Variants in MECOM observed in about 807,000 individuals in gnomAD.
The protein encoded by MECOM is histone-lysine N-methyltransferase MECOM.
A neutral mutation model predicts 116.3 loss-of-function variants in MECOM; 13 were observed. The ratio of observed to expected loss-of-function variants is 0.11; its 90% confidence interval spans 0.07 to 0.18. The LOEUF (loss-of-function observed/expected upper bound fraction) is 0.18. MECOM is among the 10% of genes least tolerant of loss of function. The probability of loss-of-function intolerance (pLI) is 1.00; values close to 1 mark genes in which losing one functional copy is unlikely to be tolerated. For missense variants in MECOM, 1,299 were observed against 1,509.0 expected (o/e 0.86, Z 2.31); for synonymous variants, 528 against 535.2 (o/e 0.99, Z 0.19).
intron 12 of MECOM, among the ~76,000 whole-genome samples, chr3:169,099,730 T>C (rs1292915501): frequency 6.6e-6 from 1 of 152,166 alleles, no homozygotes; most frequent in Non-Finnish European, 1.5e-5. Flanking sequence ...GAGAATGACA[T>C]TATGATATTA....
At chr3:169,110,991 T>C (rs1393250842) in intron 9 of MECOM, among the ~76,000 whole-genome samples, 1 of 152,214 alleles carries the variant, frequency 6.6e-6, no homozygotes, top group African/African-American at 2.4e-5. Flanking sequence ...TGCTCTCTTA[T>C]GATTTTATTT....
rs1725886170 is a variant in MECOM, at chr3:169,349,222, T to G, written c.375+31965A>C. ...TCACATTTGTTTCCTGTTCGTAGGT[T>G]AGACCCCTCCTTCTTGCTCTTTTTC... On this transcript the variant is annotated intron_variant, in intron 2 of 16. Coordinates refer to ENST00000651503, the MANE Select transcript of MECOM (RefSeq NM_004991.4). Among the ~76,000 whole-genome samples the G allele has an allele frequency of 3.9e-5, 6 of 152,076 alleles. No individual in the cohort carries two copies. The South Asian group carries it at 1.2e-3, about 32-fold the overall frequency.
At chr3:169,393,946 T>C (rs1734623874) in intron 1 of MECOM, among the ~76,000 whole-genome samples, 3 of 152,168 alleles carry the variant, frequency 2.0e-5, no homozygotes, top group African/African-American at 7.2e-5. Flanking sequence ...CATGTAAATC[T>C]ATACGAACCA....
At chr3:169,399,668 A>C (rs1735563172) in intron 1 of MECOM, among the ~76,000 whole-genome samples, 1 of 152,238 alleles carries the variant, frequency 6.6e-6, no homozygotes. Context: ...TAGATTTCAA[A>C]GTAGATGGTG....
chr3:169,318,026 G>T (rs1465231407), intron 2 of MECOM, among the ~76,000 whole-genome samples: 2 of 152,086 alleles, frequency 1.3e-5, no homozygotes, highest in Non-Finnish European at 2.9e-5. Context: ...AATAGGGAAG[G>T]ATTCCCTATT....
chr3:169,661,024 T>C (rs1233542480), intron 1 of MECOM, among the ~76,000 whole-genome samples: 2 of 152,146 alleles, frequency 1.3e-5, no homozygotes, highest in Non-Finnish European at 2.9e-5. Context: ...CTCCCACCAG[T>C]TGAATGACAA....
chr3:169,201,432 A>G (rs983322023), intron 2 of MECOM, among the ~76,000 whole-genome samples: 16 of 152,104 alleles, frequency 1.1e-4, no homozygotes, highest in African/African-American at 3.6e-4. Context: ...CACACTAGGT[A>G]GGGTCAGGTT....
At chr3:169,093,683 T>A (rs1264357352) in intron 13 of MECOM, among the ~76,000 whole-genome samples, 1 of 152,204 alleles carries the variant, frequency 6.6e-6, no homozygotes, top group Non-Finnish European at 1.5e-5. Context: ...TACAGGATGA[T>A]CTTCCCCTTC....
chr3:169,502,798 CT>C (rs760375123), intron 1 of MECOM, among the ~76,000 whole-genome samples: 3 of 152,160 alleles, frequency 2.0e-5, no homozygotes, highest in Non-Finnish European at 2.9e-5. Context: ...TGTCATAGAA[CT>C]TTTAGAAAAA....
intron 2 of MECOM, among the ~76,000 whole-genome samples, chr3:169,215,889 A>G (rs369846685): frequency 6.6e-6 from 1 of 152,232 alleles, no homozygotes; most frequent in African/African-American, 2.4e-5. Flanking sequence ...CTCAGCTGGC[A>G]TCTAGCAGTT....
chr3:169,343,258 C>T (rs1246167586), intron 2 of MECOM, among the ~76,000 whole-genome samples: 1 of 152,096 alleles, frequency 6.6e-6, no homozygotes, highest in African/African-American at 2.4e-5. Flanking sequence ...GACACTAACT[C>T]GTTGGGACTT....
chr3:169,097,351 GTTCTAA>G (rs1221870619), intron 12 of MECOM, among the ~76,000 whole-genome samples: 50 of 152,102 alleles, frequency 3.3e-4, no homozygotes, highest in African/African-American at 1.1e-3. Flanking sequence ...GAAAAAGAAT[GTTCTAA>G]ATAAAAAAAT....
intron 2 of MECOM, among the ~76,000 whole-genome samples, chr3:169,289,145 A>G (rs979546965): frequency 6.6e-5 from 10 of 152,366 alleles, no homozygotes; most frequent in Non-Finnish European, 1.5e-4. Context: ...CTATATATCT[A>G]TATGTGGTAC....
At chr3:169,464,094 C>A (rs934640488) in intron 1 of MECOM, 1 of 152,128 alleles carries the variant, frequency 6.6e-6, no homozygotes, top group African/African-American at 2.4e-5. Context: ...AGCAACAGCA[C>A]AACGGATGTC....
At chr3:169,391,995 T>A (rs1338020289) in intron 1 of MECOM, among the ~76,000 whole-genome samples, 1 of 152,208 alleles carries the variant, frequency 6.6e-6, no homozygotes, top group Non-Finnish European at 1.5e-5. Context: ...GAGAGAATTA[T>A]AAATGTTTGC....
At chr3:169,183,827 TATATATAC>T (rs1451032348) in intron 2 of MECOM, among the ~76,000 whole-genome samples, 2 of 141,464 alleles carry the variant, frequency 1.4e-5, no homozygotes, top group African/African-American at 5.5e-5. Context: ...CACATATATA[TATATATAC>T]ACACATACAT....
Position 169,382,876 on chromosome 3 carries a change from A to AGAAG in MECOM, c.38-1353_38-1352insCTTC, listed in dbSNP as rs138284919. ...AAAAAAAAAAAAAATAAAAAAAATAAAAAAAGAAGGTAAAATGGGTTGCCT... is the reference window on the plus strand; with the variant it reads ...AAAAAAAAAAAAAATAAAAAAAATAAGAAGAAAAAGAAGGTAAAATGGGTTGCCT... On this transcript the variant is annotated intron_variant, in intron 1 of 16. Transcript: ENST00000651503. Among the ~76,000 whole-genome samples the AGAAG allele has an allele frequency of 1.2e-4, 15 of 127,700 alleles. No homozygotes were observed. The East Asian group carries it at 4.0e-3, about 34-fold the overall frequency. 83.8% of individuals were successfully genotyped at this position (127,700 alleles called of 152,430 possible).
intron 1 of MECOM, among the ~76,000 whole-genome samples, chr3:169,539,430 C>T (rs1256322288): frequency 6.6e-6 from 1 of 152,198 alleles, no homozygotes; most frequent in Non-Finnish European, 1.5e-5. Flanking sequence ...CTTCTGAGCT[C>T]CAGGACAACT....
chr3:169,457,213 C>A (rs1746678006), intron 1 of MECOM, among the ~76,000 whole-genome samples: 1 of 152,026 alleles, frequency 6.6e-6, no homozygotes, highest in Non-Finnish European at 1.5e-5. Context: ...GGGCCAGAAT[C>A]TTCACTAATT....
Sources: allele counts gnomAD v4.1 joint callset (sites outside exome capture counted in the v4.1 genomes callset), GRCh38; gene constraint gnomAD v4.1.1; transcripts MANE v1.5; gene names NCBI Gene and HGNC (gene_info 2026-07-23, HGNC 2026-07-21).